The following OR10J1 variants were observed in gnomAD, a reference collection of about 807,000 sequenced individuals.
The protein encoded by OR10J1 is olfactory receptor family 10 subfamily J member 1.
For missense variants in OR10J1, 474 were observed against 376.6 expected, an observed-to-expected ratio of 1.26 and a Z score of -2.14; for synonymous variants, 202 against 143.8, an observed-to-expected ratio of 1.40 and a Z score of -2.89.
chr1:159,412,125 T>A, the OR10J1 span, among the ~76,000 whole-genome samples: 1 of 151,914 alleles, frequency 6.6e-6, no homozygotes, highest in Non-Finnish European at 1.5e-5. Context: ...GAAGCCATCT[T>A]ACAAGGGACG....
chr1:159,409,297 G>A, the OR10J1 span, among the ~76,000 whole-genome samples: 1 of 151,990 alleles, frequency 6.6e-6, no homozygotes, highest in South Asian at 2.1e-4. Context: ...GCTGACCAAG[G>A]ATTTGCATAA....
At chr1:159,409,093 T>G in the OR10J1 span, among the ~76,000 whole-genome samples, 1 of 152,126 alleles carries the variant, frequency 6.6e-6, no homozygotes, top group African/African-American at 2.4e-5. Context: ...TATATTGCTC[T>G]GTGCACTCCA....
chr1:159,411,406 G>A, the OR10J1 span, among the ~76,000 whole-genome samples: 16,480 of 152,086 alleles, frequency 0.11, 1,142 homozygotes, highest in East Asian at 0.23. Context: ...TATATATTTA[G>A]GATAGTTAGC....
At chr1:159,398,319 T>C in the OR10J1 span, among the ~76,000 whole-genome samples, 3 of 152,334 alleles carry the variant, frequency 2.0e-5, no homozygotes, top group East Asian at 1.9e-4. Flanking sequence ...ATACATACAT[T>C]ACTCTTTGAT....
At chr1:159,403,283 AG>A in the OR10J1 span, among the ~76,000 whole-genome samples, 1 of 152,166 alleles carries the variant, frequency 6.6e-6, no homozygotes, top group South Asian at 2.1e-4. Context: ...CAAGTTAAAA[AG>A]CTTCTTCATA....
chr1:159,429,478 G>A, the OR10J1 span, among the ~76,000 whole-genome samples: 1 of 152,196 alleles, frequency 6.6e-6, no homozygotes, highest in African/African-American at 2.4e-5. Context: ...CGATCATGAG[G>A]CATGAGTCCT....
chr1:159,399,367 T>C, the OR10J1 span, among the ~76,000 whole-genome samples: 2 of 151,780 alleles, frequency 1.3e-5, no homozygotes, highest in South Asian at 4.2e-4. Flanking sequence ...GTCAGGAGAT[T>C]GAGACCATCC....
the OR10J1 span, among the ~76,000 whole-genome samples, chr1:159,410,323 G>A: frequency 6.6e-6 from 1 of 152,070 alleles, no homozygotes; most frequent in Non-Finnish European, 1.5e-5. Context: ...GAATCCATCT[G>A]GTCCTGGACT....
At chr1:159,437,993 G>T (rs117923504), upstream of OR10J1, 343 of 152,502 alleles carry the variant, frequency 2.2e-3, 16 homozygotes, top group East Asian at 0.061. Flanking sequence ...TTTACTCCTC[G>T]GCCTCCTCCA....
chr1:159,409,873 T>C, the OR10J1 span, among the ~76,000 whole-genome samples: 1 of 152,290 alleles, frequency 6.6e-6, no homozygotes, highest in African/African-American at 2.4e-5. Context: ...ATACGTCCCA[T>C]CAATACCTAA....
chr1:159,421,824 A>G, the OR10J1 span, among the ~76,000 whole-genome samples: 34 of 152,248 alleles, frequency 2.2e-4, no homozygotes, highest in African/African-American at 7.5e-4. Context: ...ATGGTGACGT[A>G]CGCTGGCACT....
chr1:159,407,572 A>T, the OR10J1 span, among the ~76,000 whole-genome samples: 5 of 152,112 alleles, frequency 3.3e-5, no homozygotes, highest in African/African-American at 4.8e-5. Flanking sequence ...TCCAATGATG[A>T]TTTTAGAAAG....
At chr1:159,399,430 G>T in the OR10J1 span, among the ~76,000 whole-genome samples, 1 of 151,860 alleles carries the variant, frequency 6.6e-6, no homozygotes, top group Non-Finnish European at 1.5e-5. Context: ...AATTAGCCGG[G>T]CATCGTGGTG....
the OR10J1 span, among the ~76,000 whole-genome samples, chr1:159,418,945 C>T: frequency 1.3e-5 from 2 of 152,152 alleles, no homozygotes; most frequent in Non-Finnish European, 2.9e-5. Context: ...TTTGACTGCC[C>T]CATGGGATTT....
the OR10J1 span, among the ~76,000 whole-genome samples, chr1:159,418,588 C>T: frequency 6.6e-6 from 1 of 152,226 alleles, no homozygotes; most frequent in Non-Finnish European, 1.5e-5. Flanking sequence ...AAGTTTGCTG[C>T]AGGGGTGGGG....
rs35634161 is a variant in OR10J1 at position 159,439,967 on chromosome 1, T to C, written c.176T>C (p.Met59Thr). 28,391 of 1,614,140 alleles carry C rather than the reference T, an allele frequency of 0.018. 394 individuals carry two copies. The highest frequency in any genetic ancestry group is 0.075 in the East Asian group (3,357 of 44,880). The part of the protein sequence containing the change: ...IRMDLHLHTP[M>T]YFFLSMLSTS... ...ATGGATCTTCATCTTCACACACCCA[T>C]GTACTTCTTCCTGAGCATGCTGTCC... The change falls in exon 1 of 1, where the codon ATG (methionine) becomes ACG (threonine). Residue 59 changes from methionine (M) to threonine (T), a missense_variant. By Grantham distance (81) the Met-to-Thr change is moderately conservative. Transcript: ENST00000423932.
chr1:159,416,545 C>G, the OR10J1 span, among the ~76,000 whole-genome samples: 1 of 149,520 alleles, frequency 6.7e-6, no homozygotes, highest in Non-Finnish European at 1.5e-5. Flanking sequence ...CTGTAGTTTT[C>G]TTTTTTGTTG....
At chr1:159,406,197 G>T in the OR10J1 span, 2 of 519,448 alleles carry the variant, frequency 3.9e-6, no homozygotes, top group Non-Finnish European at 7.9e-6. Flanking sequence ...ACATGGGGGT[G>T]TGGAGGTGAA....
At chr1:159,406,114 G>A in the OR10J1 span, 4 of 446,708 alleles carry the variant, frequency 9.0e-6, no homozygotes, top group Non-Finnish European at 1.3e-5. Context: ...TTCAAGAGGC[G>A]AGAAAGCATA....
Sources: allele counts gnomAD v4.1 joint callset (sites outside exome capture counted in the v4.1 genomes callset), GRCh38; gene constraint gnomAD v4.1.1; transcripts MANE v1.5; gene names NCBI Gene and HGNC (gene_info 2026-07-23, HGNC 2026-07-21).